NSUN6: variants seen among roughly 807,000 people sequenced by gnomAD.
NSUN6 encodes the protein NOP2/Sun RNA methyltransferase 6, also known as tRNA (cytosine(72)-C(5))-methyltransferase NSUN6.
A neutral mutation model predicts 58.0 loss-of-function variants in NSUN6; 64 were observed. The observed-to-expected ratio is 1.10, with a 90% CI of 0.90 to 1.36. The LOEUF is 1.36. NSUN6 is among the 40% of genes most tolerant of loss of function. The pLI, the probability that NSUN6 is intolerant of heterozygous loss-of-function variation, is 0.00. For missense variants in NSUN6, 701 were observed against 550.1 expected (o/e 1.27, Z -2.74); for synonymous variants, 231 against 193.9 (o/e 1.19, Z -1.59).
At chr10:18,640,396 C>T (rs184268595) in intron 3 of NSUN6, among the ~76,000 whole-genome samples, 4 of 152,232 alleles carry the variant, frequency 2.6e-5, no homozygotes, top group Non-Finnish European at 5.9e-5. Flanking sequence ...TAATTTAACT[C>T]TATCTTTAGG....
chr10:18,639,075 C>T (rs2059314683), intron 3 of NSUN6, among the ~76,000 whole-genome samples: 1 of 151,324 alleles, frequency 6.6e-6, no homozygotes. Flanking sequence ...GGCAACACGG[C>T]GAGACCTCGT....
At chr10:18,633,198 T>C (rs561141442) in intron 3 of NSUN6, among the ~76,000 whole-genome samples, 283 of 150,740 alleles carry the variant, frequency 1.9e-3, no homozygotes, top group African/African-American at 6.5e-3. Flanking sequence ...TAGGTGGGAA[T>C]TGAACAATGG....
intron 8 of NSUN6, among the ~76,000 whole-genome samples, chr10:18,582,910 G>A (rs1192257348): frequency 1.3e-5 from 2 of 152,118 alleles, no homozygotes; most frequent in Non-Finnish European, 2.9e-5. Context: ...AACAAGCCTG[G>A]GGAGGAGGTG....
At chr10:18,575,668 A>G (rs111797840) in intron 8 of NSUN6, among the ~76,000 whole-genome samples, 7,346 of 152,158 alleles carry the variant, frequency 0.048, 268 homozygotes, top group Non-Finnish European at 0.077. Flanking sequence ...AGTCTTAGAG[A>G]CTCGATTGCC....
chr10:18,639,786 T>C (rs2059337454), intron 3 of NSUN6, among the ~76,000 whole-genome samples: 1 of 152,214 alleles, frequency 6.6e-6, no homozygotes, highest in Non-Finnish European at 1.5e-5. Context: ...AGACCTAAAA[T>C]AGCCAGTATT....
chr10:18,634,162 C>T (rs541968569), intron 3 of NSUN6, among the ~76,000 whole-genome samples: 18 of 151,990 alleles, frequency 1.2e-4, no homozygotes, highest in Admixed American at 1.1e-3. Flanking sequence ...AAAATGTAAA[C>T]CAAACAAAAG....
intron 8 of NSUN6, among the ~76,000 whole-genome samples, chr10:18,555,335 A>C (rs1297747651): frequency 6.6e-6 from 1 of 151,596 alleles, no homozygotes; most frequent in Non-Finnish European, 1.5e-5. Context: ...AATGGAATGG[A>C]ATAGAGAATG....
chr10:18,581,273 A>T lies in NSUN6; in HGVS notation c.922+4676T>A, dbSNP rs567785418. On this transcript the variant is annotated intron_variant, in intron 8 of 10. Transcript: ENST00000377304. Reference sequence around the variant, plus strand: ...AAGGCATTCTTAGTCACAGGATGATACAGAAGATCAGTACAAGATACAGGT... The same window carrying T: ...AAGGCATTCTTAGTCACAGGATGATTCAGAAGATCAGTACAAGATACAGGT... Among the ~76,000 whole-genome samples, 184 of 152,256 alleles carry T rather than the reference A, an allele frequency of 1.2e-3. 3 individuals are homozygous for T. Among genetic ancestry groups the T allele is most frequent in the South Asian group, 5.4e-3 (26 of 4,826 alleles).
intron 6 of NSUN6, among the ~76,000 whole-genome samples, chr10:18,599,079 A>C (rs1407594249): frequency 2.6e-5 from 4 of 152,084 alleles, no homozygotes; most frequent in African/African-American, 9.7e-5. Context: ...GCTCTGTCAC[A>C]CAGGCTGCAG....
At chr10:18,612,833 T>A (rs1175072601) in intron 5 of NSUN6, among the ~76,000 whole-genome samples, 1 of 152,228 alleles carries the variant, frequency 6.6e-6, no homozygotes, top group Admixed American at 6.5e-5. Context: ...CAAGATTGCG[T>A]ATGTTAACAC....
upstream of NSUN6, among the ~76,000 whole-genome samples, chr10:18,657,491 AC>A (rs2059789987): frequency 6.6e-6 from 1 of 152,202 alleles, no homozygotes; most frequent in South Asian, 2.1e-4. Flanking sequence ...TCAAATAAAT[AC>A]ATTCATTCCA....
In NSUN6 at chr10:18,548,150, C is replaced by A. The variant is rs377687706; in HGVS notation, c.1159G>T (p.Ala387Ser). 7 of 1,613,684 alleles carry A rather than the reference C, an allele frequency of 4.3e-6. No individual in the cohort carries two copies. The African/African-American group carries it at 6.7e-5, about 15-fold the overall frequency. Residue 387 changes from alanine to serine, a missense_variant, in exon 10 of 11, where the codon GCC becomes TCC. Ala to Ser is a moderately conservative substitution (Grantham distance 99). Transcript: ENST00000377304. The stretch of plus-strand genomic sequence containing the variant: ...TGAAGGCAAGGAAATTTTGTCAGGG[C>A]CCAGGCAACCTGTTCTTCATTTTCG... ...LAENEEQVAWALTKFPCLQLQ... is the reference protein window; with the variant it reads ...LAENEEQVAWSLTKFPCLQLQ...
intron 6 of NSUN6, among the ~76,000 whole-genome samples, chr10:18,596,813 G>C (rs2057605712): frequency 6.6e-6 from 1 of 152,080 alleles, no homozygotes; most frequent in African/African-American, 2.4e-5. Flanking sequence ...CATATCATCT[G>C]AGAGTACTTC....
intron 5 of NSUN6, among the ~76,000 whole-genome samples, chr10:18,611,911 C>G (rs764607371): frequency 2.0e-4 from 30 of 152,262 alleles, no homozygotes; most frequent in Admixed American, 6.5e-4. Context: ...TAAATGCTGA[C>G]TCCTTTTCTT....
At chr10:18,646,922 T>C (rs1445664806) in intron 2 of NSUN6, among the ~76,000 whole-genome samples, 1 of 152,188 alleles carries the variant, frequency 6.6e-6, no homozygotes, top group East Asian at 1.9e-4. Context: ...AACATACACA[T>C]GGTTATGGAA....
chr10:18,622,299 A>G (rs1049180812), intron 3 of NSUN6, among the ~76,000 whole-genome samples: 2 of 152,220 alleles, frequency 1.3e-5, no homozygotes, highest in Non-Finnish European at 2.9e-5. Flanking sequence ...AGCTATCTGC[A>G]TCGCAGAAGA....
chr10:18,568,217 G>A (rs1020348148), intron 8 of NSUN6, among the ~76,000 whole-genome samples: 4 of 137,494 alleles, frequency 2.9e-5, no homozygotes, highest in African/African-American at 8.2e-5. Flanking sequence ...TTCCATTCCC[G>A]TCCATTATCC....
intron 4 of NSUN6, among the ~76,000 whole-genome samples, chr10:18,615,929 T>C (rs1341088769): frequency 2.6e-5 from 4 of 151,738 alleles, no homozygotes. Context: ...ACGTACTCTA[T>C]CAGTAATGAT....
At chr10:18,626,081 G>A (rs146114619) in intron 3 of NSUN6, among the ~76,000 whole-genome samples, 8 of 152,232 alleles carry the variant, frequency 5.3e-5, no homozygotes, top group African/African-American at 1.9e-4. Context: ...GGCAGGGGGT[G>A]CGGGAGATCT....
Sources: gnomAD v4.1 joint callset for allele counts (sites outside exome capture counted in the v4.1 genomes callset) on GRCh38, gnomAD v4.1.1 for gene constraint, MANE v1.5 for transcripts, NCBI Gene and HGNC (gene_info 2026-07-23, HGNC 2026-07-21) for gene names.